Variants in FAS observed in about 807,000 individuals in gnomAD.
FAS encodes tumor necrosis factor receptor superfamily member 6.
Under a neutral mutation model 33.2 loss-of-function variants are expected in FAS, and 5 were observed. That is an observed-to-expected ratio of 0.15 (90% CI 0.08 to 0.32). FAS has a LOEUF of 0.32. Among genes scored for constraint, FAS ranks in the 10% least tolerant of loss-of-function variants. The pLI, the probability that FAS is intolerant of heterozygous loss-of-function variation, is 1.00. For missense variants in FAS, 339 were observed against 386.0 expected (o/e 0.88, Z 1.02); for synonymous variants, 131 against 130.7 (o/e 1.00, Z -0.01).
chr10:88,966,544 ATC>A (rs1421607908), intron 1 of FAS, among the ~76,000 whole-genome samples: 5 of 152,206 alleles, frequency 3.3e-5, no homozygotes, highest in African/African-American at 1.2e-4. Context: ...TCTTCTGTTT[ATC>A]TGTGGCGTCT....
At chr10:88,965,118 A>AT (rs547627526) in intron 1 of FAS, among the ~76,000 whole-genome samples, 54 of 152,202 alleles carry the variant, frequency 3.5e-4, no homozygotes, top group Middle Eastern at 6.8e-3. Context: ...TCTTAGATGC[A>AT]TTTTTTCTAC....
chr10:88,986,369 C>T (rs1319676168), upstream of FAS, among the ~76,000 whole-genome samples: 1 of 152,176 alleles, frequency 6.6e-6, no homozygotes, highest in African/African-American at 2.4e-5. Context: ...GATTAAGAAG[C>T]CAGGGCCCAC....
chr10:88,976,204 TA>T (rs944323068), intron 2 of FAS, among the ~76,000 whole-genome samples: 25 of 149,440 alleles, frequency 1.7e-4, no homozygotes, highest in African/African-American at 4.4e-4. Flanking sequence ...GCTGATGAGC[TA>T]AAAAAAAAAT....
At chr10:88,964,680 C>A (rs1846290403) in intron 1 of FAS, among the ~76,000 whole-genome samples, 1 of 152,064 alleles carries the variant, frequency 6.6e-6, no homozygotes, top group African/African-American at 2.4e-5. Context: ...TGCTTTCAAC[C>A]CAAAATAATC....
At chr10:88,995,142 T>C (rs1847512536) in intron 1 of FAS, among the ~76,000 whole-genome samples, 1 of 152,190 alleles carries the variant, frequency 6.6e-6, no homozygotes, top group Non-Finnish European at 1.5e-5. Context: ...AAATCCTCTT[T>C]ATTTTCTGGA....
intron 1 of FAS, among the ~76,000 whole-genome samples, chr10:89,001,590 A>C (rs1334736370): frequency 6.6e-6 from 1 of 151,502 alleles, no homozygotes; most frequent in African/African-American, 2.4e-5. Context: ...CCATGGTGCT[A>C]GGGCAGAGTT....
rs1438863788 is a variant in FAS at position 89,007,903 on chromosome 10, A to G, written c.334+66A>G. ...AATTTCATGTAGAACCATTTATAAG[A>G]CAATTTGAAATTGGGGCCTACTGTG... On this transcript the variant is annotated intron_variant, in intron 3 of 8. Transcript: ENST00000652046. 9 of 1,606,192 alleles carry G rather than the reference A, an allele frequency of 5.6e-6. No individual in the cohort carries two copies. The Admixed American group carries it at 1.5e-4, about 27-fold the overall frequency.
At chr10:88,964,942 T>G (rs1166757369) in intron 1 of FAS, among the ~76,000 whole-genome samples, 1 of 152,154 alleles carries the variant, frequency 6.6e-6, no homozygotes, top group East Asian at 1.9e-4. Flanking sequence ...TTACAAACAT[T>G]TTTAGTGTCT....
chr10:88,974,206 CCTGA>C (rs1846513048), intron 2 of FAS: 1 of 151,396 alleles, frequency 6.6e-6, no homozygotes. Flanking sequence ...AGAAATATAC[CCTGA>C]CTAACGTGGG....
At chr10:88,996,276 T>C (rs1435803474) in intron 1 of FAS, among the ~76,000 whole-genome samples, 3 of 94,488 alleles carry the variant, frequency 3.2e-5, no homozygotes, top group Non-Finnish European at 6.1e-5. Context: ...TGGTTGTTGT[T>C]GTTTTTTTTC....
intron 1 of FAS, among the ~76,000 whole-genome samples, chr10:88,999,058 C>T (rs1267499416): frequency 6.6e-6 from 1 of 151,778 alleles, no homozygotes; most frequent in Non-Finnish European, 1.5e-5. Context: ...GAAGCTGAGG[C>T]AGGAGAGTCA....
chr10:88,988,531 A>G (rs1420206597), upstream of FAS, among the ~76,000 whole-genome samples: 2 of 151,266 alleles, frequency 1.3e-5, no homozygotes, highest in Non-Finnish European at 2.9e-5. Flanking sequence ...TCTTTTGAGT[A>G]GAAGCTTTAA....
At chr10:88,969,195 G>A (rs1271593374) in intron 1 of FAS, among the ~76,000 whole-genome samples, 1 of 152,080 alleles carries the variant, frequency 6.6e-6, no homozygotes, top group African/African-American at 2.4e-5. Flanking sequence ...GGGGAAATTG[G>A]AACACATTGT....
At chr10:89,007,491 A>T (rs1848294459) in intron 2 of FAS, among the ~76,000 whole-genome samples, 4 of 151,094 alleles carry the variant, frequency 2.6e-5, no homozygotes, top group African/African-American at 4.9e-5. Context: ...GGCTTCAGTC[A>T]CTCTTTTAGC....
chr10:88,972,153 C>G (rs977340805), intron 1 of FAS, among the ~76,000 whole-genome samples: 2 of 151,910 alleles, frequency 1.3e-5, no homozygotes, highest in African/African-American at 2.4e-5. Context: ...GTGATCCACC[C>G]GCCTCAGCCT....
At chr10:88,967,201 C>T (rs947524315) in intron 1 of FAS, among the ~76,000 whole-genome samples, 6 of 152,136 alleles carry the variant, frequency 3.9e-5, no homozygotes, top group Non-Finnish European at 8.8e-5. Flanking sequence ...TAATTTTATA[C>T]TGAAGAGCTC....
upstream of FAS, among the ~76,000 whole-genome samples, chr10:88,987,590 C>T (rs190174753): frequency 6.6e-6 from 1 of 152,290 alleles, no homozygotes; most frequent in Admixed American, 6.5e-5. Flanking sequence ...TACTTCAAAT[C>T]CAATGAAAAA....
chr10:89,002,926 C>A (rs1055885781), intron 1 of FAS, 103 bp from the exon 2 acceptor site: 1 of 1,215,354 alleles, frequency 8.2e-7, no homozygotes, highest in Non-Finnish European at 1.2e-6. Flanking sequence ...ATTGTCTTTG[C>A]CTGTGCACAG....
upstream of FAS, among the ~76,000 whole-genome samples, chr10:88,985,381 TG>T (rs1162194509): frequency 6.6e-6 from 1 of 152,220 alleles, no homozygotes; most frequent in East Asian, 1.9e-4. Flanking sequence ...TTCTCCCCAT[TG>T]TCCTTTCTCA....
Sources: allele counts gnomAD v4.1 joint callset (sites outside exome capture counted in the v4.1 genomes callset), GRCh38; gene constraint gnomAD v4.1.1; transcripts MANE v1.5; gene names NCBI Gene and HGNC (gene_info 2026-07-23, HGNC 2026-07-21).